EHD4: variants seen among roughly 807,000 people sequenced by gnomAD.
EHD4 encodes EH domain-containing protein 4.
A neutral mutation model predicts 51.0 loss-of-function variants in EHD4; 37 were observed. That is an observed-to-expected ratio of 0.73 (90% confidence interval 0.56 to 0.95). The LOEUF (loss-of-function observed/expected upper bound fraction) is 0.95, where lower values mean the gene tolerates loss of function less well. Ranked by LOEUF, EHD4 falls within the 40% of genes least tolerant of loss-of-function variation. The pLI, the probability that EHD4 is intolerant of heterozygous loss-of-function variation, is 0.00. For synonymous variants in EHD4, 297 were observed against 317.3 expected, an observed-to-expected ratio of 0.94 and a Z score of 0.68; for missense variants, 632 against 733.1, an observed-to-expected ratio of 0.86 and a Z score of 1.59.
intron 4 of EHD4, among the ~76,000 whole-genome samples, chr15:41,913,324 T>A (rs7183264): frequency 6.6e-6 from 1 of 152,008 alleles, no homozygotes; most frequent in Non-Finnish European, 1.5e-5. Context: ...CCAGACCTGG[T>A]GGTTGTCCCT....
At chr15:41,907,983 C>T (rs1383367587) in intron 5 of EHD4, among the ~76,000 whole-genome samples, 1 of 151,996 alleles carries the variant, frequency 6.6e-6, no homozygotes, top group Non-Finnish European at 1.5e-5. Flanking sequence ...ACAAATTCTC[C>T]TGCCTCAGCC....
rs1430124057 is a variant in EHD4, at chr15:41,961,765, A to C, written c.237-7825T>G. On this transcript the variant is annotated intron_variant, in intron 1 of 5. Transcript: ENST00000220325. ...AGCTGACATAATCTCTTAAGGTGAA[A>C]TAACATAGGCAATACCATTAAGATT... Among the ~76,000 whole-genome samples the C allele has an allele frequency of 2.0e-5, 3 of 152,342 alleles. No individual in the cohort carries two copies. In the South Asian group the frequency reaches 6.2e-4, roughly 32 times the overall value.
rs2067453033 is a variant in EHD4 at position 41,898,309 on chromosome 15, C to G, written c.*2336G>C. 1 of 152,196 alleles carries G rather than the reference C, an allele frequency of 6.6e-6. No homozygotes were observed. Among genetic ancestry groups the G allele is most frequent in the Admixed American group, 6.5e-5 (1 of 15,290 alleles). The allele number at this position is 152,196 out of a possible 1,614,324, so 9.4% of individuals were successfully genotyped here. A position where few individuals can be genotyped will look rare whatever the true frequency, so the allele number is the denominator to read the frequency against. On this transcript the variant is annotated 3_prime_UTR_variant, in exon 6 of 6. Transcript: ENST00000220325. ...GACCTCAACCTGCTGCCCTCTAAAG[C>G]AGCTTTCTGTATCCAGACAAAACTT...
chr15:41,944,123 G>A (rs1363684367), intron 2 of EHD4, among the ~76,000 whole-genome samples: 1 of 152,226 alleles, frequency 6.6e-6, no homozygotes, highest in Non-Finnish European at 1.5e-5. Context: ...GTTCTGCCCA[G>A]CGTTTCCTGA....
intron 2 of EHD4, among the ~76,000 whole-genome samples, chr15:41,949,016 C>CTATATATATATATATATA (rs3035677): frequency 1.7e-3 from 158 of 92,426 alleles, no homozygotes; most frequent in Non-Finnish European, 2.6e-3. Flanking sequence ...CAGAGTGAGA[C>CTATATATATATATATATA]TATATATATA....
rs140624737 is a variant in EHD4 at position 41,900,924 on chromosome 15, G to A, written c.1347C>T (p.Pro449=). ...EEEWVVAKDK[P]VYDELFYTLS... ...GAGTGTAGAAGAGCTCGTCGTAGAC[G>A]GGCTTGTCTTTGGCCACGACCCACT... The change falls in exon 6 of 6, where the codon CCC becomes CCT. Residue 449 remains proline, a synonymous_variant. Coordinates refer to ENST00000220325, the MANE Select transcript of EHD4 (RefSeq NM_139265.4). The surrounding 1 kb of genome is among the most constrained non-coding windows in gnomAD (Gnocchi z 4.8). The A allele has an allele frequency of 2.4e-5, 39 of 1,614,066 alleles. No homozygotes were observed. The African/African-American group carries it at 3.6e-4, about 15-fold the overall frequency.
intron 4 of EHD4, among the ~76,000 whole-genome samples, chr15:41,914,113 G>A (rs1333819824): frequency 6.6e-6 from 1 of 152,122 alleles, no homozygotes; most frequent in Non-Finnish European, 1.5e-5. Context: ...ATCTACTCTG[G>A]GCTTGGAGGG....
intron 4 of EHD4, among the ~76,000 whole-genome samples, chr15:41,918,293 CACCCCTAT>C (rs915305433): frequency 6.6e-6 from 1 of 152,134 alleles, no homozygotes; most frequent in African/African-American, 2.4e-5. Flanking sequence ...TGTGCACGCA[CACCCCTAT>C]ATCCGAGGCT....
chr15:41,934,434 C>T (rs1481479037), intron 3 of EHD4, among the ~76,000 whole-genome samples: 1 of 151,888 alleles, frequency 6.6e-6, no homozygotes, highest in Non-Finnish European at 1.5e-5. Context: ...CTTGCCTCGG[C>T]CTCCCAAGGA....
chr15:41,915,085 G>GACACACACACACACAC (rs10552371), intron 4 of EHD4, among the ~76,000 whole-genome samples: 3 of 149,572 alleles, frequency 2.0e-5, no homozygotes, highest in Admixed American at 1.3e-4. Context: ...CAGTCTTGGA[G>GACACACACACACACAC]ACACACACAC....
chr15:41,936,598 CCTT>C (rs1274956087), intron 3 of EHD4, among the ~76,000 whole-genome samples: 19 of 152,270 alleles, frequency 1.2e-4, no homozygotes, highest in African/African-American at 3.6e-4. Flanking sequence ...AGTGAAGTGT[CCTT>C]CTCCCCATCA....
At chr15:41,919,918 C>T (rs1648821) in intron 3 of EHD4, among the ~76,000 whole-genome samples, 18,449 of 152,214 alleles carry the variant, frequency 0.12, 1,676 homozygotes, top group African/African-American at 0.25. Context: ...TGTTTTATTT[C>T]ACCTAATACA....
intron 2 of EHD4, among the ~76,000 whole-genome samples, chr15:41,949,095 C>T (rs1595542727): frequency 6.9e-6 from 1 of 144,990 alleles, no homozygotes. Flanking sequence ...TTTGGCCAGG[C>T]ATGGTGGCTC....
intron 1 of EHD4, among the ~76,000 whole-genome samples, chr15:41,959,355 C>T (rs1488641370): frequency 7.0e-6 from 1 of 143,810 alleles, no homozygotes; most frequent in Non-Finnish European, 1.5e-5. Flanking sequence ...GAGATCGTGC[C>T]ACTGCACTCC....
rs2067540102 is a variant in EHD4 at position 41,910,200 on chromosome 15, C to G, written c.925-337G>C. ...ATACCCAGGAGAAAGTTTCACCAGG[C>G]TGGTGCCTGGGAGCAACAGGAAATG... On this transcript the variant is annotated intron_variant, in intron 4 of 5. Transcript: ENST00000220325. Among the ~76,000 whole-genome samples the G allele has an allele frequency of 2.6e-5, 4 of 152,192 alleles. No individual in the cohort carries two copies. The South Asian group carries it at 8.3e-4, about 32-fold the overall frequency.
At chr15:41,911,416 G>A (rs536727795) in intron 4 of EHD4, among the ~76,000 whole-genome samples, 8 of 152,066 alleles carry the variant, frequency 5.3e-5, no homozygotes, top group East Asian at 1.9e-4. Context: ...GGCTTTAACC[G>A]CTGTGATGAG....
intron 2 of EHD4, among the ~76,000 whole-genome samples, chr15:41,944,381 A>G (rs1389140339): frequency 1.3e-5 from 2 of 152,152 alleles, no homozygotes; most frequent in African/African-American, 2.4e-5. Flanking sequence ...TTCCTTTACT[A>G]TGGATGGCTG....
At chr15:41,936,457 T>G (rs1014477929) in intron 3 of EHD4, among the ~76,000 whole-genome samples, 22 of 152,222 alleles carry the variant, frequency 1.4e-4, no homozygotes, top group African/African-American at 5.3e-4. Context: ...TATTAGCTAT[T>G]ATTATTATTA....
At chr15:41,920,255 A>C (rs562626532) in intron 3 of EHD4, among the ~76,000 whole-genome samples, 1 of 152,342 alleles carries the variant, frequency 6.6e-6, no homozygotes, top group African/African-American at 2.4e-5. Context: ...CATTGTGTAA[A>C]ATGGTCTCTT....
Sources: gnomAD v4.1 joint callset for allele counts (sites outside exome capture counted in the v4.1 genomes callset) on GRCh38, gnomAD v4.1.1 for gene constraint, Gnocchi (gnomAD v3.1) non-coding constraint, MANE v1.5 for transcripts, NCBI Gene and HGNC (gene_info 2026-07-23, HGNC 2026-07-21) for gene names.